ATP9A: variants seen among roughly 807,000 people sequenced by gnomAD.
ATP9A encodes the protein probable phospholipid-transporting ATPase IIA.
Under a neutral mutation model 144.1 loss-of-function variants are expected in ATP9A, and 52 were observed. The ratio of observed to expected loss-of-function variants is 0.36; its 90% CI spans 0.29 to 0.45. The LOEUF is 0.45. ATP9A is among the 20% of genes least tolerant of loss of function. The probability of loss-of-function intolerance (pLI) is 1.00; values close to 1 mark genes in which losing one functional copy is unlikely to be tolerated. For synonymous variants in ATP9A, 582 were observed against 557.4 expected (o/e 1.04, Z -0.62); for missense variants, 947 against 1,392.7 (o/e 0.68, Z 5.09).
intron 4 of ATP9A, among the ~76,000 whole-genome samples, chr20:51,708,923 T>C (rs962284951): frequency 3.3e-5 from 5 of 152,054 alleles, no homozygotes; most frequent in African/African-American, 1.2e-4. Context: ...AGAGGACAAC[T>C]AAATATAACT....
intron 14 of ATP9A, among the ~76,000 whole-genome samples, chr20:51,639,780 T>C (rs1022994862): frequency 1.3e-5 from 2 of 152,098 alleles, no homozygotes; most frequent in African/African-American, 4.8e-5. Context: ...CGGAAAGAGA[T>C]GGCACAGAAT....
chr20:51,662,939 AG>A (rs937858995), intron 13 of ATP9A, among the ~76,000 whole-genome samples: 24 of 152,020 alleles, frequency 1.6e-4, no homozygotes, highest in African/African-American at 5.3e-4. Context: ...GCATGGTGGC[AG>A]GCACCTGTAA....
intron 16 of ATP9A, among the ~76,000 whole-genome samples, chr20:51,628,563 A>G (rs184379839): frequency 4.6e-4 from 70 of 152,342 alleles, no homozygotes; most frequent in African/African-American, 1.7e-3. Flanking sequence ...GAGTGGCCCT[A>G]TGGGAGAGGC....
At chr20:51,642,138 G>GTT (rs1179774596) in intron 14 of ATP9A, among the ~76,000 whole-genome samples, 2 of 150,724 alleles carry the variant, frequency 1.3e-5, no homozygotes, top group African/African-American at 2.4e-5. Flanking sequence ...CTGTGCATCT[G>GTT]TTTTTTTTTG....
At chr20:51,763,542 T>C (rs930364865) in intron 1 of ATP9A, among the ~76,000 whole-genome samples, 6 of 151,856 alleles carry the variant, frequency 4.0e-5, no homozygotes, top group Admixed American at 2.6e-4. Flanking sequence ...CTGGATCTCC[T>C]GACCTCCTGA....
At position 51,729,952 on chromosome 20, in the gene ATP9A, C is replaced by A. The variant is rs142435125; in HGVS notation, c.95G>T (p.Gly32Val). ...AGTGCGGGGCCTGGCCTCCCCTCCA[C>A]CGCAGCATCTCAGCCACTCGCAGCA... ...AGCCEWLRCC[G>V]GGEARPRTVW... Residue 32 changes from glycine to valine, a missense_variant, in exon 2 of 28, where the codon GGT becomes GTT. Physicochemically the swap from Gly to Val is moderately radical, Grantham distance 109. Around this residue, in one of 2 missense-constraint regions of ATP9A, gnomAD observed 770 missense variants for 1,047.9 expected, o/e 0.73. Transcript: ENST00000338821. 5.4e-3 allele frequency: 8,550 copies of A among 1,570,346 alleles called. 75 individuals carry two copies. Among genetic ancestry groups the A allele is most frequent in the South Asian group, 0.025 (2,099 of 85,040 alleles).
intron 1 of ATP9A, among the ~76,000 whole-genome samples, chr20:51,763,020 G>T (rs950580035): frequency 6.6e-6 from 1 of 151,578 alleles, no homozygotes; most frequent in Non-Finnish European, 1.5e-5. Flanking sequence ...AAGCCCAACT[G>T]AAATTCTATT....
chr20:51,618,622 G>T (rs373171634), intron 21 of ATP9A, 40 bp downstream of exon 21: 7 of 1,574,006 alleles, frequency 4.4e-6, no homozygotes, highest in Admixed American at 3.7e-5. Context: ...CTGGTGCACC[G>T]GCAGGCCAGG....
At chr20:51,605,158 C>T (rs1190245157) in intron 26 of ATP9A, 138 bp from the exon 27 acceptor site, 3 of 678,290 alleles carry the variant, frequency 4.4e-6, no homozygotes, top group Non-Finnish European at 6.8e-6. Context: ...ATGACTGGTG[C>T]TTTATGCAGG....
intron 9 of ATP9A, among the ~76,000 whole-genome samples, chr20:51,680,444 T>C (rs1386553064): frequency 6.6e-6 from 1 of 151,960 alleles, no homozygotes; most frequent in Non-Finnish European, 1.5e-5. Flanking sequence ...CTCTGTAACA[T>C]CCAGGCCACC....
chr20:51,740,928 A>T (rs1483513987), intron 1 of ATP9A, among the ~76,000 whole-genome samples: 1 of 151,708 alleles, frequency 6.6e-6, no homozygotes, highest in Non-Finnish European at 1.5e-5. Context: ...GCATTTTATC[A>T]TCCTGTCCTC....
At chr20:51,757,792 G>A (rs1186894905) in intron 1 of ATP9A, among the ~76,000 whole-genome samples, 1 of 152,018 alleles carries the variant, frequency 6.6e-6, no homozygotes, top group Non-Finnish European at 1.5e-5. Flanking sequence ...TGTAATCCCA[G>A]CTACTGGGGA....
intron 1 of ATP9A, among the ~76,000 whole-genome samples, chr20:51,737,552 C>G (rs6123075): frequency 6.6e-6 from 1 of 151,994 alleles, no homozygotes; most frequent in Non-Finnish European, 1.5e-5. Context: ...GACTAAGAAG[C>G]GTATTCACAG....
chr20:51,696,236 C>T lies in ATP9A; in HGVS notation c.496-92G>A, dbSNP rs977227488. ...GCTTCCGCCCCCACCCCCAACCCCT[C>T]GGTGGGTTGGGGCAGGGGGGACTGA... On this transcript the variant is annotated intron_variant, in intron 5 of 27. Transcript: ENST00000338821. 4.4e-5 allele frequency: 52 copies of T among 1,189,908 alleles called. No homozygotes were observed. The East Asian group carries it at 1.1e-3, about 25-fold the overall frequency. The allele number at this position is 1,189,908 out of a possible 1,614,324, so 73.7% of individuals were successfully genotyped here.
At chr20:51,767,107 G>A (rs912212769) in intron 1 of ATP9A, among the ~76,000 whole-genome samples, 4 of 148,442 alleles carry the variant, frequency 2.7e-5, no homozygotes, top group African/African-American at 1.0e-4. Flanking sequence ...ACTGACACCT[G>A]GTGAAGCCAC....
intron 27 of ATP9A, among the ~76,000 whole-genome samples, chr20:51,603,530 T>G (rs1166582443): frequency 6.6e-6 from 1 of 152,104 alleles, no homozygotes; most frequent in East Asian, 1.9e-4. Flanking sequence ...TGGGGTCATC[T>G]TGGTGGCCCT....
intron 17 of ATP9A, among the ~76,000 whole-genome samples, chr20:51,626,461 G>A (rs938931022): frequency 5.3e-5 from 8 of 150,928 alleles, no homozygotes; most frequent in African/African-American, 2.0e-4. Flanking sequence ...TGGCACTACA[G>A]TCTGGGCAAC....
chr20:51,641,012 C>T (rs1346285900), intron 14 of ATP9A, among the ~76,000 whole-genome samples: 1 of 152,016 alleles, frequency 6.6e-6, no homozygotes, highest in East Asian at 1.9e-4. Flanking sequence ...ATCACTTGAG[C>T]CCAGGAGTTT....
intron 13 of ATP9A, among the ~76,000 whole-genome samples, chr20:51,667,979 G>A (rs1168248299): frequency 6.7e-6 from 1 of 149,310 alleles, no homozygotes; most frequent in Non-Finnish European, 1.5e-5. Context: ...TGAGATGGGA[G>A]GATTGCTTGA....
Sources: allele counts gnomAD v4.1 joint callset (sites outside exome capture counted in the v4.1 genomes callset), GRCh38; gene constraint gnomAD v4.1.1; regional missense constraint gnomAD v4.1.1; transcripts MANE v1.5; gene names NCBI Gene and HGNC (gene_info 2026-07-23, HGNC 2026-07-21).